FAT3: variants seen among roughly 807,000 people sequenced by gnomAD.
FAT3 encodes protocadherin Fat 3.
FAT3 carries 95 observed loss-of-function variants against 310.2 expected under a neutral mutation model. That is an observed-to-expected ratio of 0.31 (90% CI 0.26 to 0.36). FAT3 has a LOEUF of 0.36. Among genes scored for constraint, FAT3 ranks in the 10% least tolerant of loss-of-function variants. FAT3 has a pLI of 1.00. For synonymous variants in FAT3, 2,314 were observed against 2,192.9 expected (o/e 1.06, Z -1.54); for missense variants, 5,408 against 5,715.6 (o/e 0.95, Z 1.74).
intron 7 of FAT3, among the ~76,000 whole-genome samples, chr11:92,780,163 CT>C (rs34340740): frequency 1.4e-4 from 19 of 134,678 alleles, no homozygotes; most frequent in Non-Finnish European, 2.0e-4. Context: ...TTTTTTTTTT[CT>C]TTTTTTTTTT....
At chr11:92,320,588 C>A (rs2134491805) in intron 1 of FAT3, among the ~76,000 whole-genome samples, 1 of 152,288 alleles carries the variant, frequency 6.6e-6, no homozygotes, top group Admixed American at 6.5e-5. Flanking sequence ...GTGCTTATGG[C>A]TGGGTGCAGT....
chr11:92,696,639 T>C (rs1463293156), intron 3 of FAT3, among the ~76,000 whole-genome samples: 1 of 152,208 alleles, frequency 6.6e-6, no homozygotes. Context: ...AATTGCCATT[T>C]GACAAAAGGA....
At chr11:92,661,424 T>A (rs1942776606) in intron 3 of FAT3, among the ~76,000 whole-genome samples, 1 of 152,172 alleles carries the variant, frequency 6.6e-6, no homozygotes, top group South Asian at 2.1e-4. Context: ...CATTACCATA[T>A]GTGGTGAACC....
intron 2 of FAT3, among the ~76,000 whole-genome samples, chr11:92,457,220 G>C (rs1951515204): frequency 2.0e-5 from 3 of 152,142 alleles, no homozygotes; most frequent in Admixed American, 6.6e-5. Context: ...GCCCTACGAG[G>C]TCAGAGAAGG....
intron 10 of FAT3, 88 bp from the exon 11 acceptor site, chr11:92,805,065 A>G (rs1947464883): frequency 7.5e-7 from 1 of 1,330,578 alleles, no homozygotes; most frequent in Non-Finnish European, 1.0e-6. Flanking sequence ...GAGTACCTGG[A>G]TGACTCCACA....
At chr11:92,660,537 C>A (rs941365465) in intron 3 of FAT3, among the ~76,000 whole-genome samples, 17 of 152,098 alleles carry the variant, frequency 1.1e-4, no homozygotes, top group Non-Finnish European at 1.9e-4. Context: ...CATCCTAGGT[C>A]CAGATTGCAT....
At position 92,603,555 on chromosome 11, in the gene FAT3, A is replaced by G. The variant is rs970439715; in HGVS notation, c.3607+78607A>G. On this transcript the variant is annotated intron_variant, in intron 3 of 27. Transcript: ENST00000525166. ...ATTTTGAAATTTAGATTTCATTTCA[A>G]TCATTAGATATTTGGTTTTATGTCT... 4.6e-5 allele frequency among the ~76,000 whole-genome samples: 7 copies of G among 152,194 alleles called. No individual in the cohort carries two copies. The South Asian group carries it at 1.2e-3, about 27-fold the overall frequency.
chr11:92,680,650 T>G (rs190600252), intron 3 of FAT3, among the ~76,000 whole-genome samples: 8 of 152,320 alleles, frequency 5.3e-5, no homozygotes. Context: ...TAAATGTACT[T>G]AATAACTATA....
Position 92,634,384 on chromosome 11 carries a change from C to T in FAT3, c.3608-63000C>T, listed in dbSNP as rs568217014. ...GAGTTTCCCAGTGTTGTAGCTTCAT[C>T]CTATTTTCTCCTGACTAGAATAAGG... is the stretch of plus-strand genomic sequence containing the variant. On this transcript the variant is annotated intron_variant, in intron 3 of 27. Coordinates refer to ENST00000525166, the MANE Select transcript of FAT3 (RefSeq NM_001367949.2). Among the ~76,000 whole-genome samples the T allele has an allele frequency of 2.0e-5, 3 of 152,270 alleles. No individual in the cohort carries two copies. The East Asian group carries it at 5.8e-4, about 29-fold the overall frequency.
At chr11:92,303,390 T>C (rs1443605824) in intron 1 of FAT3, among the ~76,000 whole-genome samples, 1 of 152,126 alleles carries the variant, frequency 6.6e-6, no homozygotes, top group Non-Finnish European at 1.5e-5. Flanking sequence ...TCACAATATC[T>C]AGCAGCTCTT....
intron 6 of FAT3, among the ~76,000 whole-genome samples, chr11:92,770,481 G>A (rs1039031914): frequency 1.3e-5 from 2 of 152,148 alleles, no homozygotes; most frequent in Non-Finnish European, 2.9e-5. Context: ...AGATCAAATT[G>A]TAACTGGTGT....
rs572041032 is a variant in FAT3, at chr11:92,656,440, A to G, written c.3608-40944A>G. 2.6e-5 allele frequency among the ~76,000 whole-genome samples: 4 copies of G among 152,332 alleles called. No homozygotes were observed. The South Asian group carries it at 6.2e-4, about 24-fold the overall frequency. On this transcript the variant is annotated intron_variant, in intron 3 of 27. Coordinates refer to ENST00000525166, the MANE Select transcript of FAT3 (RefSeq NM_001367949.2). Reference sequence around the variant, plus strand: ...CTACTTTACTTTCCACTTCATTCTCAAAAACAAATATGTAGGAAGTTTTTA... The same window carrying G: ...CTACTTTACTTTCCACTTCATTCTCGAAAACAAATATGTAGGAAGTTTTTA...
At position 92,792,826 on chromosome 11, in the gene FAT3, G is replaced by A. The variant is rs774248127; in HGVS notation, c.4671G>A (p.Glu1557=). 25 of 1,613,744 alleles carry A rather than the reference G, an allele frequency of 1.5e-5. No homozygotes were observed. The highest frequency in any genetic ancestry group is 2.2e-5 in the East Asian group (1 of 44,894). ...RNLARVIVNV[E]DANDHSPYFT... is the part of the protein sequence containing the mutation. ...TGGCCCGAGTCATTGTGAATGTGGA[G>A]GATGCTAATGATCACAGTCCTTATT... The change falls in exon 9 of 28, where the codon GAG becomes GAA. Residue 1557 remains glutamate (E), a synonymous_variant. Coordinates refer to ENST00000525166, the MANE Select transcript of FAT3 (RefSeq NM_001367949.2).
intron 3 of FAT3, among the ~76,000 whole-genome samples, chr11:92,663,335 A>G (rs1442474612): frequency 1.3e-5 from 2 of 152,164 alleles, no homozygotes; most frequent in African/African-American, 2.4e-5. Context: ...CACAGTGTGC[A>G]TTGAAGACCA....
chr11:92,613,106 T>C (rs1020272505), intron 3 of FAT3, among the ~76,000 whole-genome samples: 14 of 152,168 alleles, frequency 9.2e-5, no homozygotes, highest in Non-Finnish European at 1.3e-4. Context: ...AAGATCAGAG[T>C]TTCCTATAGA....
At chr11:92,632,323 C>T (rs950579716) in intron 3 of FAT3, among the ~76,000 whole-genome samples, 1 of 152,144 alleles carries the variant, frequency 6.6e-6, no homozygotes, top group East Asian at 1.9e-4. Flanking sequence ...TTTATCTTTC[C>T]TGCTGTCAAA....
intron 13 of FAT3, among the ~76,000 whole-genome samples, chr11:92,813,231 TG>T (rs1220721108): frequency 6.6e-6 from 1 of 152,212 alleles, no homozygotes; most frequent in Non-Finnish European, 1.5e-5. Context: ...TGACCTCGTT[TG>T]CAGATCCTTC....
intron 2 of FAT3, among the ~76,000 whole-genome samples, chr11:92,487,956 C>T (rs1204205615): frequency 1.3e-5 from 2 of 152,200 alleles, no homozygotes; most frequent in African/African-American, 4.8e-5. Context: ...TTGGTATAAT[C>T]CCCTTCTCTT....
intron 1 of FAT3, among the ~76,000 whole-genome samples, chr11:92,288,770 T>A (rs1243810286): frequency 6.6e-6 from 1 of 152,166 alleles, no homozygotes; most frequent in Non-Finnish European, 1.5e-5. Context: ...TAAAATTCTG[T>A]CATGTGTCAG....
Sources: allele counts gnomAD v4.1 joint callset (sites outside exome capture counted in the v4.1 genomes callset), GRCh38; gene constraint gnomAD v4.1.1; transcripts MANE v1.5; gene names NCBI Gene and HGNC (gene_info 2026-07-23, HGNC 2026-07-21).